Variants in TMBIM6 observed in about 807,000 individuals in gnomAD.
The protein encoded by TMBIM6 is transmembrane BAX inhibitor motif containing 6.
Under a neutral mutation model 31.4 loss-of-function variants are expected in TMBIM6, and 13 were observed. The ratio of observed to expected loss-of-function variants is 0.41; its 90% CI spans 0.27 to 0.66. TMBIM6 has a LOEUF of 0.66. Ranked by LOEUF, TMBIM6 falls within the 30% of genes least tolerant of loss-of-function variation. TMBIM6 has a pLI of 0.28. For missense variants in TMBIM6, 275 were observed against 289.5 expected, an observed-to-expected ratio of 0.95 and a Z score of 0.36; for synonymous variants, 85 against 101.7, an observed-to-expected ratio of 0.84 and a Z score of 0.99.
At chr12:49,757,671 T>A (rs1401954230) in intron 4 of TMBIM6, among the ~76,000 whole-genome samples, 1 of 152,148 alleles carries the variant, frequency 6.6e-6, no homozygotes, top group African/African-American at 2.4e-5. Flanking sequence ...GGCAAGCTAG[T>A]TTTTGAAGGC....
chr12:49,751,758 ATTTTTTTT>A lies in TMBIM6; in HGVS notation c.-30-690_-30-683del, dbSNP rs58141027. Reference sequence around the variant, plus strand: ...TCTTTGAGGTGCTGCTAGTGAGATAATTTTTTTTTTTTTTTTTTTTTTTGAGATGGACT... The same window carrying A: ...TCTTTGAGGTGCTGCTAGTGAGATAATTTTTTTTTTTTTTTGAGATGGACT... On this transcript the variant is annotated intron_variant, in intron 1 of 9. Coordinates refer to ENST00000267115, the MANE Select transcript of TMBIM6 (RefSeq NM_003217.3). 6.4e-5 allele frequency among the ~76,000 whole-genome samples: 7 copies of A among 108,572 alleles called. No homozygotes were observed. The East Asian group carries it at 1.2e-3, about 19-fold the overall frequency. 71.2% of individuals were successfully genotyped at this position (108,572 alleles called of 152,430 possible). A position where few individuals can be genotyped will look rare whatever the true frequency, so the allele number is the denominator to read the frequency against.
chr12:49,763,570 G>A lies in TMBIM6; in HGVS notation c.*674G>A, dbSNP rs938078894. The A allele has an allele frequency of 6.6e-6, 1 of 152,288 alleles. No individual in the cohort carries two copies. The highest frequency in any genetic ancestry group is 1.5e-5 in the Non-Finnish European group (1 of 68,056). The allele number at this position is 152,288 out of a possible 1,614,324, so 9.4% of individuals were successfully genotyped here. A position where few individuals can be genotyped will look rare whatever the true frequency, so the allele number is the denominator to read the frequency against. On this transcript the variant is annotated 3_prime_UTR_variant, in exon 10 of 10. Transcript: ENST00000267115. ...GCCTGCTTCCATCCATGGGTGGGAA[G>A]ACTTCAGCACAAAGGAAAGACTAAT...
chr12:49,758,075 A>G, intron 4 of TMBIM6, 152 bp from the exon 5 acceptor site: 1 of 833,360 alleles, frequency 1.2e-6, no homozygotes, highest in Admixed American at 2.6e-5. Flanking sequence ...CATTTTATTG[A>G]AAACAATTAC....
At chr12:49,762,379 C>G (rs1299194729) in intron 9 of TMBIM6, among the ~76,000 whole-genome samples, 1 of 152,220 alleles carries the variant, frequency 6.6e-6, no homozygotes, top group Non-Finnish European at 1.5e-5. Flanking sequence ...AATTTTCATT[C>G]CTTAATACAT....
chr12:49,756,354 T>G (rs185771480), intron 4 of TMBIM6, among the ~76,000 whole-genome samples: 1 of 152,050 alleles, frequency 6.6e-6, no homozygotes, highest in Non-Finnish European at 1.5e-5. Flanking sequence ...CAGGATGGTG[T>G]TGATCTCTTG....
chr12:49,758,817 C>CATT, intron 7 of TMBIM6, 55 bp downstream of exon 7: 1 of 1,344,856 alleles, frequency 7.4e-7, no homozygotes, highest in Non-Finnish European at 1.0e-6. Context: ...TTCTTTCTTT[C>CATT]CTTTTTTTTT....
chr12:49,761,721 T>A lies in TMBIM6; in HGVS notation c.632T>A (p.Phe211Tyr). ...CCTTTCAGGCACTGCATTGATCTCT[T>A]CTTAGATTTCATTACTGTCTTCAGA... The part of the protein sequence containing the change: ...QDYIWHCIDL[F>Y]LDFITVFRKL... Residue 211 changes from phenylalanine (F) to tyrosine (Y), a missense_variant, in exon 9 of 10, where the codon TTC becomes TAC. Coordinates refer to ENST00000267115, the MANE Select transcript of TMBIM6 (RefSeq NM_003217.3). 1 of 1,614,266 alleles carries A rather than the reference T, an allele frequency of 6.2e-7. No homozygotes were observed. The highest frequency in any genetic ancestry group is 8.5e-7 in the Non-Finnish European group (1 of 1,180,034).
chr12:49,743,776 A>G (rs563038839), intron 1 of TMBIM6, among the ~76,000 whole-genome samples: 90 of 152,208 alleles, frequency 5.9e-4, no homozygotes, highest in Non-Finnish European at 1.1e-3. Flanking sequence ...TTTCTACTGT[A>G]GGATGGAATA....
chr12:49,762,901 A>G lies in TMBIM6; in HGVS notation c.*5A>G, dbSNP rs1945747245. On this transcript the variant is annotated 3_prime_UTR_variant, in exon 10 of 10. Coordinates refer to ENST00000267115, the MANE Select transcript of TMBIM6 (RefSeq NM_003217.3). ...AAGAAGAAAGAGAAGAAATGAAGTG[A>G]CCATCCAGCCTTTCCCAATTAGACT... The G allele has an allele frequency of 3.1e-6, 5 of 1,612,578 alleles. No homozygotes were observed. Among genetic ancestry groups the G allele is most frequent in the Non-Finnish European group, 4.2e-6 (5 of 1,178,770 alleles).
chr12:49,742,391 G>A (rs1312750926), intron 1 of TMBIM6: 1 of 1,372,690 alleles, frequency 7.3e-7, no homozygotes. Context: ...TGCTGGACCT[G>A]TGGTAACAAG....
chr12:49,760,359 T>C (rs1012904242), intron 8 of TMBIM6, among the ~76,000 whole-genome samples: 3 of 152,092 alleles, frequency 2.0e-5, no homozygotes, highest in African/African-American at 7.2e-5. Flanking sequence ...CAAGCAGTAC[T>C]CCTGCCTCAG....
At chr12:49,753,156 A>C in intron 3 of TMBIM6, 75 bp downstream of exon 3, 7 of 1,129,274 alleles carry the variant, frequency 6.2e-6, no homozygotes, top group African/African-American at 1.5e-5. Context: ...AAGGTGGTCC[A>C]AGGGACCCTG....
At chr12:49,749,183 T>G (rs1214524728) in intron 1 of TMBIM6, among the ~76,000 whole-genome samples, 1 of 152,260 alleles carries the variant, frequency 6.6e-6, no homozygotes, top group Non-Finnish European at 1.5e-5. Context: ...CAGAACAGTT[T>G]GATCTCATTA....
At chr12:49,754,970 T>G (rs1365267387) in intron 3 of TMBIM6, among the ~76,000 whole-genome samples, 1 of 152,204 alleles carries the variant, frequency 6.6e-6, no homozygotes, top group Non-Finnish European at 1.5e-5. Context: ...GTTTTTGTTT[T>G]TTTGAGACGG....
Position 49,760,507 on chromosome 12 carries a change from C to T in TMBIM6, c.614+1186C>T, listed in dbSNP as rs116150928. ...TTGGTTTCCCAAAGTGTTGGGATTACAGGCTTAAGCCACCATGCCCAGCCA... is the reference window on the plus strand; with the variant it reads ...TTGGTTTCCCAAAGTGTTGGGATTATAGGCTTAAGCCACCATGCCCAGCCA... On this transcript the variant is annotated intron_variant, in intron 8 of 9. Transcript: ENST00000267115. Among the ~76,000 whole-genome samples, 1,117 of 148,282 alleles carry T rather than the reference C, an allele frequency of 7.5e-3. 12 individuals are homozygous for T. The highest frequency in any genetic ancestry group is 0.025 in the African/African-American group (1,027 of 40,324).
rs1381991826 is a variant in TMBIM6, at chr12:49,763,109, A to G, written c.*213A>G. On this transcript the variant is annotated 3_prime_UTR_variant, in exon 10 of 10. Transcript: ENST00000267115. Reference sequence around the variant, plus strand: ...GCTTCATCTTCCTGGGGTTCCCCTCACTCCCTTTTTTGTCAACCCCATCTG... The same window carrying G: ...GCTTCATCTTCCTGGGGTTCCCCTCGCTCCCTTTTTTGTCAACCCCATCTG... 2 of 442,798 alleles carry G rather than the reference A, an allele frequency of 4.5e-6. No individual in the cohort carries two copies. The highest frequency in any genetic ancestry group is 7.9e-6 in the Non-Finnish European group (2 of 253,900). The allele number at this position is 442,798 out of a possible 1,614,324, so 27.4% of individuals were successfully genotyped here. A position where few individuals can be genotyped will look rare whatever the true frequency, so the allele number is the denominator to read the frequency against.
In TMBIM6 at chr12:49,758,208, T is replaced by C. The variant is rs372405919; in HGVS notation, c.287-19T>C. On this transcript the variant is annotated intron_variant, in intron 4 of 9. Coordinates refer to ENST00000267115, the MANE Select transcript of TMBIM6 (RefSeq NM_003217.3). ...AAGAATTGATCGTAATACTGTGTTC[T>C]GGGTTTTCTGTTTTCTAGGAGTTGG... is the stretch of plus-strand genomic sequence containing the variant. 3 of 1,614,168 alleles carry C rather than the reference T, an allele frequency of 1.9e-6. No homozygotes were observed. The highest frequency in any genetic ancestry group is 1.1e-5 in the South Asian group (1 of 91,084).
intron 3 of TMBIM6, among the ~76,000 whole-genome samples, chr12:49,753,918 A>G (rs1179631099): frequency 6.9e-6 from 1 of 145,464 alleles, no homozygotes; most frequent in Admixed American, 6.8e-5. Flanking sequence ...ATCAATACTC[A>G]TGGCACTTTT....
chr12:49,752,975 C>A lies in TMBIM6; in HGVS notation c.59C>A (p.Thr20Asn), dbSNP rs139620601. ...TCTTATTCACATTCTTTTCTTAGAA[C>A]CCCGTCAACGCAGCAGCACCTGAAG... is the stretch of plus-strand genomic sequence containing the variant. ...FDALLKFSHITPSTQQHLKKV... is the reference protein window; with the variant it reads ...FDALLKFSHINPSTQQHLKKV... Residue 20 changes from threonine to asparagine, a missense_variant and splice_region_variant, in exon 3 of 10, where the codon ACC becomes AAC. Physicochemically the swap from Thr to Asn is moderately conservative, Grantham distance 65. Transcript: ENST00000267115. 49 of 1,613,226 alleles carry A rather than the reference C, an allele frequency of 3.0e-5. No individual in the cohort carries two copies. Among genetic ancestry groups the A allele is most frequent in the Non-Finnish European group, 3.6e-5 (43 of 1,179,748 alleles).
Sources: allele counts gnomAD v4.1 joint callset (sites outside exome capture counted in the v4.1 genomes callset), GRCh38; gene constraint gnomAD v4.1.1; transcripts MANE v1.5; gene names NCBI Gene and HGNC (gene_info 2026-07-23, HGNC 2026-07-21).